The following ZNF385D variants were observed in gnomAD, a reference collection of about 807,000 sequenced individuals.
The protein encoded by ZNF385D is zinc finger protein 385D.
ZNF385D carries 15 observed loss-of-function variants against 35.8 expected under a neutral mutation model. The ratio of observed to expected loss-of-function variants is 0.42; its 90% confidence interval spans 0.28 to 0.64. The LOEUF (loss-of-function observed/expected upper bound fraction) is 0.64. ZNF385D is among the 30% of genes least tolerant of loss of function. ZNF385D has a pLI of 0.23. For missense variants in ZNF385D, 474 were observed against 494.6 expected (o/e 0.96, Z 0.39); for synonymous variants, 212 against 186.8 (o/e 1.13, Z -1.10).
chr3:21,979,081 T>C (rs1028088389), intron 3 of ZNF385D, among the ~76,000 whole-genome samples: 4 of 152,084 alleles, frequency 2.6e-5, no homozygotes, highest in African/African-American at 9.7e-5. Context: ...GTTGTGACTA[T>C]CTCCAGTACA....
At chr3:21,922,024 C>T (rs1700488836) in intron 3 of ZNF385D, among the ~76,000 whole-genome samples, 1 of 151,990 alleles carries the variant, frequency 6.6e-6, no homozygotes, top group Admixed American at 6.6e-5. Context: ...GATAACAAAA[C>T]CTGCCAAAGA....
In ZNF385D at chr3:21,967,288, A is replaced by T. The variant is rs1192014735; in HGVS notation, c.325+201529T>A. Among the ~76,000 whole-genome samples, 4 of 152,182 alleles carry T rather than the reference A, an allele frequency of 2.6e-5. No homozygotes were observed. In the South Asian group the frequency reaches 8.3e-4, roughly 32 times the overall value. ...ATTTCTTAAAATTTGATAATTAAGA[A>T]AATTTTTTCCCCCAAAATTTACTGT... On this transcript the variant is annotated intron_variant, in intron 3 of 5. Coordinates refer to the ZNF385D transcript ENST00000494108.
intron 2 of ZNF385D, among the ~76,000 whole-genome samples, chr3:22,360,470 T>C (rs969512059): frequency 1.3e-5 from 2 of 151,988 alleles, no homozygotes; most frequent in African/African-American, 4.8e-5. Context: ...TTAAAGGACA[T>C]GTTCCACTCT....
intron 2 of ZNF385D, among the ~76,000 whole-genome samples, chr3:21,654,705 C>T (rs1016974674): frequency 6.6e-6 from 1 of 151,952 alleles, no homozygotes; most frequent in Admixed American, 6.6e-5. Flanking sequence ...AATAGACTTA[C>T]AAAATATAGC....
intron 3 of ZNF385D, among the ~76,000 whole-genome samples, chr3:21,781,473 G>C (rs758687663): frequency 6.6e-6 from 1 of 152,080 alleles, no homozygotes; most frequent in Non-Finnish European, 1.5e-5. Flanking sequence ...GTGCCAAGAA[G>C]TGTCAAAGTC....
At chr3:21,740,732 C>A (rs1010677510) in intron 1 of ZNF385D, among the ~76,000 whole-genome samples, 1 of 152,168 alleles carries the variant, frequency 6.6e-6, no homozygotes, top group Non-Finnish European at 1.5e-5. Context: ...ACCCAGCCAA[C>A]TGCTGCCTAG....
chr3:21,623,055 A>T (rs1173210953), intron 2 of ZNF385D, among the ~76,000 whole-genome samples: 1 of 152,114 alleles, frequency 6.6e-6, no homozygotes, highest in African/African-American at 2.4e-5. Context: ...GTTCGAGCAC[A>T]GGGGTTCAGA....
chr3:22,111,189 C>G (rs1277383078), intron 3 of ZNF385D, among the ~76,000 whole-genome samples: 1 of 76,606 alleles, frequency 1.3e-5, no homozygotes, highest in Admixed American at 1.9e-4. Context: ...TTTTTTTGTA[C>G]TCTCAGGAGA....
chr3:21,944,347 T>C (rs1701674359), intron 3 of ZNF385D, among the ~76,000 whole-genome samples: 1 of 152,198 alleles, frequency 6.6e-6, no homozygotes, highest in Non-Finnish European at 1.5e-5. Context: ...CTGTCAAAGC[T>C]GAAGAAACCA....
intron 1 of ZNF385D, among the ~76,000 whole-genome samples, chr3:21,675,326 C>G (rs1178538607): frequency 4.6e-5 from 7 of 151,942 alleles, no homozygotes; most frequent in African/African-American, 1.7e-4. Flanking sequence ...AAACAACTCC[C>G]CTTGATTCCC....
intron 2 of ZNF385D, among the ~76,000 whole-genome samples, chr3:21,582,326 A>G (rs1262968271): frequency 1.3e-5 from 2 of 152,200 alleles, no homozygotes; most frequent in East Asian, 1.9e-4. Flanking sequence ...ACTGATGGAG[A>G]AAACTAAACC....
chr3:21,914,535 G>C (rs565630963), intron 3 of ZNF385D, among the ~76,000 whole-genome samples: 1 of 151,862 alleles, frequency 6.6e-6, no homozygotes, highest in Non-Finnish European at 1.5e-5. Context: ...TCAGTCCCTA[G>C]ATGAGCAAAT....
At chr3:21,885,921 G>T (rs893874904) in intron 3 of ZNF385D, among the ~76,000 whole-genome samples, 2 of 151,968 alleles carry the variant, frequency 1.3e-5, no homozygotes, top group African/African-American at 4.8e-5. Context: ...GTCTATTAAG[G>T]TCTTCAGTTA....
At chr3:21,778,492 T>C (rs1396998882) in intron 3 of ZNF385D, among the ~76,000 whole-genome samples, 2 of 151,862 alleles carry the variant, frequency 1.3e-5, no homozygotes, top group East Asian at 3.9e-4. Flanking sequence ...CCCTGTAGTC[T>C]ATCAGGCAAG....
At position 22,112,721 on chromosome 3, in the gene ZNF385D, G is replaced by C. The variant is rs189247834; in HGVS notation, c.325+56096C>G. On this transcript the variant is annotated intron_variant, in intron 3 of 5. Transcript: ENST00000494108. Reference sequence around the variant, plus strand: ...GAGAAAGCTACACATAGAAGATGAAGAGTCATGAGTTCCATTCTCAGGAAA... The same window carrying C: ...GAGAAAGCTACACATAGAAGATGAACAGTCATGAGTTCCATTCTCAGGAAA... Among the ~76,000 whole-genome samples the C allele has an allele frequency of 2.6e-5, 4 of 152,216 alleles. No individual in the cohort carries two copies. The East Asian group carries it at 7.7e-4, about 29-fold the overall frequency.
intron 3 of ZNF385D, among the ~76,000 whole-genome samples, chr3:22,047,585 T>C (rs1020177606): frequency 1.3e-5 from 2 of 152,168 alleles, no homozygotes; most frequent in South Asian, 2.1e-4. Context: ...ATTTCCTTCC[T>C]GTTTAATGCT....
intron 3 of ZNF385D, among the ~76,000 whole-genome samples, chr3:21,887,611 A>C (rs1698616210): frequency 6.6e-6 from 1 of 152,132 alleles, no homozygotes; most frequent in Non-Finnish European, 1.5e-5. Context: ...TTTAGGAGAA[A>C]AATCGTGTGA....
At chr3:21,473,937 TAGC>T (rs1704063226) in intron 4 of ZNF385D, among the ~76,000 whole-genome samples, 1 of 152,088 alleles carries the variant, frequency 6.6e-6, no homozygotes, top group African/African-American at 2.4e-5. Context: ...TATCATAAGA[TAGC>T]AGATATTTTA....
chr3:21,505,429 C>T lies in ZNF385D; in HGVS notation c.439+5432G>A, dbSNP rs755731988. Among the ~76,000 whole-genome samples, 3 of 152,000 alleles carry T rather than the reference C, an allele frequency of 2.0e-5. No individual in the cohort carries two copies. In the East Asian group the frequency reaches 5.8e-4, roughly 29 times the overall value. ...ATTCTAAATAACAACTAAGGCCATGCCTGACAAAGTTTAAGGCACACACCC... is the reference window on the plus strand; with the variant it reads ...ATTCTAAATAACAACTAAGGCCATGTCTGACAAAGTTTAAGGCACACACCC... On this transcript the variant is annotated intron_variant, in intron 4 of 7. Transcript: ENST00000281523.
Sources: allele counts gnomAD v4.1 joint callset (sites outside exome capture counted in the v4.1 genomes callset), GRCh38; gene constraint gnomAD v4.1.1; transcripts MANE v1.5; gene names NCBI Gene and HGNC (gene_info 2026-07-23, HGNC 2026-07-21).